BBC3: variants seen among roughly 807,000 people sequenced by gnomAD.
The protein encoded by BBC3 is BCL2 binding component 3.
In BBC3, 5 loss-of-function variants were observed where a neutral mutation model predicts 18.2. The observed-to-expected ratio is 0.27, with a 90% CI of 0.14 to 0.58. The LOEUF is 0.58. BBC3 is among the 20% of genes least tolerant of loss of function. The probability of loss-of-function intolerance (pLI) is 0.91; values close to 1 mark genes in which losing one functional copy is unlikely to be tolerated. For missense variants in BBC3, 224 were observed against 268.9 expected (o/e 0.83, Z 1.17); for synonymous variants, 119 against 128.0 (o/e 0.93, Z 0.47).
rs2123378726 is a variant in BBC3 at position 47,226,759 on chromosome 19, G to C, written c.275-5C>G. ...GCGAGAGCGAGGGCTGAGGACCTTG[G>C]AGAGGCAGAGGGGCGCGGTCAGCAC... On this transcript the variant is annotated splice_polypyrimidine_tract_variant and splice_region_variant and intron_variant, in intron 2 of 3. Transcript: ENST00000439096. The C allele has an allele frequency of 1.4e-6, 2 of 1,390,274 alleles. No homozygotes were observed. The highest frequency in any genetic ancestry group is 3.1e-5 in the African/African-American group (2 of 65,532). The allele number at this position is 1,390,274 out of a possible 1,614,324, so 86.1% of individuals were successfully genotyped here.
intron 3 of BBC3, among the ~76,000 whole-genome samples, chr19:47,226,294 A>G (rs1239652502): frequency 2.6e-5 from 4 of 151,504 alleles, no homozygotes; most frequent in South Asian, 2.1e-4. Context: ...GCCGCGGGCC[A>G]CGGGCGCGCA....
chr19:47,232,551 C>T (rs900693813), upstream of BBC3: 6 of 1,548,728 alleles, frequency 3.9e-6, no homozygotes, highest in African/African-American at 5.5e-5. Context: ...GTGGAAGCAG[C>T]CCTGGGCACC....
At chr19:47,229,306 G>A (rs764013937) in intron 1 of BBC3, among the ~76,000 whole-genome samples, 2 of 150,404 alleles carry the variant, frequency 1.3e-5, no homozygotes, top group African/African-American at 2.5e-5. Context: ...AGACACCCAC[G>A]GACACACATA....
chr19:47,230,171 G>A lies in BBC3; in HGVS notation c.-16+758C>T, dbSNP rs745490490. ...CGCAGGTCCACCCACCCCACAAGCAGGGCACCCACAGACAGAACCCCACAC... is the reference window on the plus strand; with the variant it reads ...CGCAGGTCCACCCACCCCACAAGCAAGGCACCCACAGACAGAACCCCACAC... On this transcript the variant is annotated intron_variant, in intron 1 of 3. Transcript: ENST00000439096. This position sits in a 1 kb window ranked among gnomAD's most constrained non-coding sequence, Gnocchi z 6.7. Among the ~76,000 whole-genome samples, 16 of 151,642 alleles carry A rather than the reference G, an allele frequency of 1.1e-4. No homozygotes were observed. The highest frequency in any genetic ancestry group is 2.1e-4 in the Non-Finnish European group (14 of 67,878).
chr19:47,228,498 T>C lies in BBC3; in HGVS notation c.-15-52A>G, dbSNP rs935043829. On this transcript the variant is annotated intron_variant, in intron 1 of 3. Coordinates refer to ENST00000439096, the MANE Select transcript of BBC3 (RefSeq NM_014417.5). The surrounding 1 kb of genome is among the most constrained non-coding windows in gnomAD (Gnocchi z 5.5). Reference sequence around the variant, plus strand: ...TCAGCAGGGAAGTACCAGGGCCCACTGTACCTCCAGCCTACCCGGGGTTAG... The same window carrying C: ...TCAGCAGGGAAGTACCAGGGCCCACCGTACCTCCAGCCTACCCGGGGTTAG... 3.4e-5 allele frequency: 42 copies of C among 1,226,308 alleles called. No homozygotes were observed. Among genetic ancestry groups the C allele is most frequent in the Non-Finnish European group, 4.3e-5 (42 of 983,544 alleles). 76.0% of individuals were successfully genotyped at this position (1,226,308 alleles called of 1,614,324 possible).
chr19:47,232,686 C>T, upstream of BBC3: 5 of 1,298,832 alleles, frequency 3.8e-6, no homozygotes, highest in Non-Finnish European at 5.3e-6. Flanking sequence ...GAGTTTTGTC[C>T]TTCCTTTTTC....
intron 3 of BBC3, among the ~76,000 whole-genome samples, chr19:47,224,217 C>A (rs1371844630): frequency 6.6e-6 from 1 of 151,968 alleles, no homozygotes; most frequent in Non-Finnish European, 1.5e-5. Flanking sequence ...ATCACTTGAA[C>A]CCGGGAGGTG....
At chr19:47,225,822 G>C (rs1475489057) in intron 3 of BBC3, among the ~76,000 whole-genome samples, 18 of 152,140 alleles carry the variant, frequency 1.2e-4, no homozygotes, top group Non-Finnish European at 2.6e-4. Context: ...CGGAGTAAAA[G>C]CAACACCTGC....
intron 3 of BBC3, among the ~76,000 whole-genome samples, chr19:47,225,687 A>T (rs1463673021): frequency 1.3e-5 from 2 of 152,136 alleles, no homozygotes; most frequent in Non-Finnish European, 2.9e-5. Flanking sequence ...TCTTTTGCCC[A>T]TATGGTGAAT....
chr19:47,231,358 C>G (rs546634399), upstream of BBC3: 527 of 290,452 alleles, frequency 1.8e-3, 2 homozygotes, highest in Middle Eastern at 3.6e-3. This position sits in a 1 kb window ranked among gnomAD's most constrained non-coding sequence, Gnocchi z 4.0. Context: ...CGCGCCCCCC[C>G]CTACCTCCGC....
chr19:47,221,793 T>C lies in BBC3; in HGVS notation c.*9A>G, dbSNP rs747649341. On this transcript the variant is annotated 3_prime_UTR_variant, in exon 4 of 4. Transcript: ENST00000439096. ...GAGTCCCTGACGTCCACCGGGCGGG[T>C]GCAGGCACCTAATTGGGCTCCATCT... 5.0e-6 allele frequency: 8 copies of C among 1,610,190 alleles called. No homozygotes were observed. The highest frequency in any genetic ancestry group is 8.5e-7 in the Non-Finnish European group (1 of 1,178,876).
rs1568618900 is a variant in BBC3, at chr19:47,221,433, CCT to C, written c.*367_*368del. On this transcript the variant is annotated 3_prime_UTR_variant, in exon 4 of 4. Transcript: ENST00000439096. ...AGGAGCACCGAGAGGAGAGCCCCCC[CCT>C]CCCAGTGTCACCCCTGCAGCTGGAA... The C allele has an allele frequency of 2.2e-4, 56 of 254,296 alleles. 1 individual carries two copies. Among genetic ancestry groups the C allele is most frequent in the South Asian group, 4.8e-4 (5 of 10,450 alleles). 15.8% of individuals were successfully genotyped at this position (254,296 alleles called of 1,614,324 possible).
upstream of BBC3, among the ~76,000 whole-genome samples, chr19:47,231,937 C>T (rs1021513800): frequency 1.3e-5 from 2 of 152,360 alleles, no homozygotes; most frequent in East Asian, 1.9e-4. This position sits in a 1 kb window ranked among gnomAD's most constrained non-coding sequence, Gnocchi z 4.0. Context: ...GGGACACACA[C>T]ATACACACAG....
Position 47,221,459 on chromosome 19 carries a change from A to G in BBC3, c.*343T>C, listed in dbSNP as rs1317213914. 1 of 183,056 alleles carries G rather than the reference A, an allele frequency of 5.5e-6. No individual in the cohort carries two copies. The allele number at this position is 183,056 out of a possible 1,614,324, so 11.3% of individuals were successfully genotyped here. ...CTCCCAGTGTCACCCCTGCAGCTGGAACGGGCACCAGCACAACAGCCTTTC... is the reference window on the plus strand; with the variant it reads ...CTCCCAGTGTCACCCCTGCAGCTGGGACGGGCACCAGCACAACAGCCTTTC... On this transcript the variant is annotated 3_prime_UTR_variant, in exon 4 of 4. Coordinates refer to ENST00000439096, the MANE Select transcript of BBC3 (RefSeq NM_014417.5).
At position 47,230,679 on chromosome 19, in the gene BBC3, G is replaced by A. The variant is rs1458921645; in HGVS notation, c.-16+250C>T. 1 of 962,980 alleles carries A rather than the reference G, an allele frequency of 1.0e-6. No individual in the cohort carries two copies. The highest frequency in any genetic ancestry group is 1.2e-6 in the Non-Finnish European group (1 of 809,696). The allele number at this position is 962,980 out of a possible 1,614,324, so 59.7% of individuals were successfully genotyped here. A position where few individuals can be genotyped will look rare whatever the true frequency, so the allele number is the denominator to read the frequency against. ...GCCGCCAGGGGGCGCTGCCGAGCCC[G>A]CACCCCATTGTTTGTAAACAAACCC... On this transcript the variant is annotated intron_variant, in intron 1 of 3. Transcript: ENST00000439096. The surrounding 1 kb of genome is among the most constrained non-coding windows in gnomAD (Gnocchi z 6.7).
At chr19:47,232,655 C>G, upstream of BBC3, 1 of 1,476,228 alleles carries the variant, frequency 6.8e-7, no homozygotes, top group Non-Finnish European at 9.2e-7. Flanking sequence ...ATTGTTACTT[C>G]CTGCCCTGCT....
At chr19:47,221,975 T>A in intron 3 of BBC3, 57 bp from the exon 4 acceptor site, 1 of 1,462,780 alleles carries the variant, frequency 6.8e-7, no homozygotes, top group South Asian at 1.3e-5. Flanking sequence ...GTGATGGGAG[T>A]GGGGATGGTC....
chr19:47,227,741 A>C (rs926102524), intron 2 of BBC3, among the ~76,000 whole-genome samples: 8 of 152,008 alleles, frequency 5.3e-5, no homozygotes, highest in African/African-American at 1.9e-4. Context: ...CCCCTGGCCA[A>C]AGAGATGCAA....
At chr19:47,232,584 AC>A, upstream of BBC3, 1 of 1,536,474 alleles carries the variant, frequency 6.5e-7, no homozygotes, top group East Asian at 2.5e-5. Context: ...GCCTGGGCAG[AC>A]CCCATGCCAA....
Sources: gnomAD v4.1 joint callset for allele counts (sites outside exome capture counted in the v4.1 genomes callset) on GRCh38, gnomAD v4.1.1 for gene constraint, Gnocchi (gnomAD v3.1) non-coding constraint, MANE v1.5 for transcripts, NCBI Gene and HGNC (gene_info 2026-07-23, HGNC 2026-07-21) for gene names.